GRID2: variants seen among roughly 807,000 people sequenced by gnomAD.
GRID2 encodes the protein glutamate receptor ionotropic, delta-2.
GRID2 carries 33 observed loss-of-function variants against 114.8 expected under a neutral mutation model. The observed-to-expected ratio is 0.29, with a 90% CI of 0.22 to 0.38. The LOEUF (loss-of-function observed/expected upper bound fraction) is 0.38. Ranked by LOEUF, GRID2 falls within the 10% of genes least tolerant of loss-of-function variation. GRID2 has a pLI of 1.00. For synonymous variants in GRID2, 505 were observed against 449.9 expected, an observed-to-expected ratio of 1.12 and a Z score of -1.55; for missense variants, 1,184 against 1,257.7, an observed-to-expected ratio of 0.94 and a Z score of 0.89.
At position 92,885,814 on chromosome 4, in the gene GRID2, T is replaced by C. The variant is rs62311170; in HGVS notation, c.245-199181T>C. Reference sequence around the variant, plus strand: ...TTGTGCACTTGGCTAACATGCCGTTTATATTAGACTGTTTGGAAATAGCCC... The same window carrying C: ...TTGTGCACTTGGCTAACATGCCGTTCATATTAGACTGTTTGGAAATAGCCC... On this transcript the variant is annotated intron_variant, in intron 2 of 15. Transcript: ENST00000282020. Among the ~76,000 whole-genome samples, 143 of 152,348 alleles carry C rather than the reference T, an allele frequency of 9.4e-4. 1 individual carries two copies. The highest frequency in any genetic ancestry group is 1.6e-3 in the Admixed American group (24 of 15,306).
chr4:92,324,457 G>A (rs1177105399), intron 1 of GRID2, among the ~76,000 whole-genome samples: 1 of 151,910 alleles, frequency 6.6e-6, no homozygotes. Context: ...TGATAATTTT[G>A]TGTTGTAATC....
At chr4:92,584,571 A>C (rs1728333896) in intron 1 of GRID2, among the ~76,000 whole-genome samples, 1 of 151,984 alleles carries the variant, frequency 6.6e-6, no homozygotes, top group African/African-American at 2.4e-5. Context: ...AAAGGAATTA[A>C]ATTTCATGTA....
At chr4:93,586,205 G>A (rs1357300165) in intron 13 of GRID2, among the ~76,000 whole-genome samples, 3 of 152,018 alleles carry the variant, frequency 2.0e-5, no homozygotes, top group Non-Finnish European at 4.4e-5. Flanking sequence ...TTCTGCAGAT[G>A]TACCACCACC....
intron 1 of GRID2, among the ~76,000 whole-genome samples, chr4:92,339,730 C>T (rs1003782717): frequency 1.3e-5 from 2 of 152,112 alleles, no homozygotes; most frequent in African/African-American, 4.8e-5. Flanking sequence ...GTTTATTTCA[C>T]TGTTATGGAT....
At chr4:92,366,213 A>T (rs540250969) in intron 1 of GRID2, among the ~76,000 whole-genome samples, 1 of 152,176 alleles carries the variant, frequency 6.6e-6, no homozygotes, top group South Asian at 2.1e-4. Flanking sequence ...TCAAGAAGCC[A>T]GCTAAGTGCC....
At chr4:92,710,458 T>C (rs1439139550) in intron 2 of GRID2, among the ~76,000 whole-genome samples, 3 of 152,170 alleles carry the variant, frequency 2.0e-5, no homozygotes, top group African/African-American at 7.2e-5. Flanking sequence ...ATGTGCTATG[T>C]ATGTAATTTT....
chr4:93,707,017 T>G lies in GRID2; in HGVS notation c.2361-62193T>G, dbSNP rs187998552. ...ATGATGTATCACATTGATTGGTTTA[T>G]GTGTGTTGATCTATCCTTGCATCGC... On this transcript the variant is annotated intron_variant, in intron 14 of 15. Coordinates refer to ENST00000282020, the MANE Select transcript of GRID2 (RefSeq NM_001510.4). Among the ~76,000 whole-genome samples, 10 of 152,266 alleles carry G rather than the reference T, an allele frequency of 6.6e-5. No homozygotes were observed. In the East Asian group the frequency reaches 1.2e-3, roughly 18 times the overall value.
At chr4:93,270,925 G>A (rs1002546324) in intron 8 of GRID2, among the ~76,000 whole-genome samples, 3 of 152,086 alleles carry the variant, frequency 2.0e-5, no homozygotes, top group Non-Finnish European at 2.9e-5. Flanking sequence ...CACCGTGCCC[G>A]GCCCATAATA....
intron 4 of GRID2, among the ~76,000 whole-genome samples, chr4:93,187,986 T>A (rs999441050): frequency 1.3e-5 from 2 of 151,162 alleles, no homozygotes; most frequent in Non-Finnish European, 3.0e-5. Context: ...CAACCAGTAT[T>A]GCAGCTCTCA....
chr4:93,787,558 T>C (rs751567132), intron 1 of GRID2, among the ~76,000 whole-genome samples: 7 of 152,250 alleles, frequency 4.6e-5, no homozygotes, highest in Non-Finnish European at 7.4e-5. Flanking sequence ...CTTACATGGC[T>C]CCGTTATCTT....
At chr4:93,229,765 C>T (rs1745900293) in intron 7 of GRID2, among the ~76,000 whole-genome samples, 1 of 152,072 alleles carries the variant, frequency 6.6e-6, no homozygotes, top group Non-Finnish European at 1.5e-5. Flanking sequence ...AAAATAATGT[C>T]ATTGACATAG....
chr4:92,443,373 T>A lies in GRID2; in HGVS notation c.88+138629T>A, dbSNP rs564012581. On this transcript the variant is annotated intron_variant, in intron 1 of 15. Coordinates refer to ENST00000282020, the MANE Select transcript of GRID2 (RefSeq NM_001510.4). ...GTTTTAGGTCAGGTGTGAGTTGAAT[T>A]GGTTTTAAGTTTTTGAGAACACAGG... is the stretch of plus-strand genomic sequence containing the variant. Among the ~76,000 whole-genome samples, 475 of 150,920 alleles carry A rather than the reference T, an allele frequency of 3.1e-3. 4 individuals carry two copies. Among genetic ancestry groups the A allele is most frequent in the African/African-American group, 0.011 (432 of 40,444 alleles).
chr4:92,883,303 C>T (rs541334064), intron 2 of GRID2, among the ~76,000 whole-genome samples: 2 of 152,278 alleles, frequency 1.3e-5, no homozygotes, highest in East Asian at 1.9e-4. Flanking sequence ...CATCTTCAGG[C>T]TCTGCTTCTA....
At position 93,326,102 on chromosome 4, in the gene GRID2, C is replaced by T. The variant is rs548448025; in HGVS notation, c.1246-69505C>T. 1.2e-3 allele frequency among the ~76,000 whole-genome samples: 179 copies of T among 152,130 alleles called. 1 individual carries two copies. Among genetic ancestry groups the T allele is most frequent in the African/African-American group, 4.0e-3 (167 of 41,498 alleles). Reference sequence around the variant, plus strand: ...TAGGTATTTCTAAAGCAGTTTTTAACAGTCAGGGTTTAGTAGAGGAAATAG... The same window carrying T: ...TAGGTATTTCTAAAGCAGTTTTTAATAGTCAGGGTTTAGTAGAGGAAATAG... On this transcript the variant is annotated intron_variant, in intron 8 of 15. Transcript: ENST00000282020.
At chr4:93,287,957 C>T (rs993754590) in intron 8 of GRID2, among the ~76,000 whole-genome samples, 6 of 152,192 alleles carry the variant, frequency 3.9e-5, no homozygotes, top group African/African-American at 2.4e-5. Context: ...CCACTATTCT[C>T]CCTTTCTCTA....
At chr4:92,852,024 G>A (rs1743846881) in intron 2 of GRID2, among the ~76,000 whole-genome samples, 1 of 151,886 alleles carries the variant, frequency 6.6e-6, no homozygotes, top group Non-Finnish European at 1.5e-5. Context: ...CTGTGCAGAA[G>A]GGGAAGAAGC....
chr4:92,446,130 A>G (rs1267448627), intron 1 of GRID2, among the ~76,000 whole-genome samples: 1 of 152,134 alleles, frequency 6.6e-6, no homozygotes. Context: ...TATTTTTAGT[A>G]GAGACGGGGT....
chr4:92,543,581 C>T (rs543356034), intron 1 of GRID2, among the ~76,000 whole-genome samples: 43 of 152,188 alleles, frequency 2.8e-4, no homozygotes, highest in African/African-American at 9.6e-4. Context: ...TATGTGCATT[C>T]GCTTTTGAAA....
chr4:92,370,927 T>G (rs1238256871), intron 1 of GRID2, among the ~76,000 whole-genome samples: 1 of 152,154 alleles, frequency 6.6e-6, no homozygotes, highest in Admixed American at 6.6e-5. Context: ...TAGAAAGTGC[T>G]TCTTTTAAGA....
Sources: allele counts gnomAD v4.1 joint callset (sites outside exome capture counted in the v4.1 genomes callset), GRCh38; gene constraint gnomAD v4.1.1; transcripts MANE v1.5; gene names NCBI Gene and HGNC (gene_info 2026-07-23, HGNC 2026-07-21).